The following MLLT3 variants were observed in gnomAD, a reference collection of about 807,000 sequenced individuals.
MLLT3 encodes MLLT3 super elongation complex subunit, also known as protein AF-9.
MLLT3 carries 4 observed loss-of-function variants against 53.2 expected under a neutral mutation model. The ratio of observed to expected loss-of-function variants is 0.08; its 90% CI spans 0.04 to 0.17. MLLT3 has a LOEUF of 0.17. Ranked by LOEUF, MLLT3 falls within the 10% of genes least tolerant of loss-of-function variation. MLLT3 has a pLI of 1.00. For missense variants in MLLT3, 569 were observed against 684.0 expected (o/e 0.83, Z 1.87); for synonymous variants, 283 against 230.6 (o/e 1.23, Z -2.06).
intron 2 of MLLT3, among the ~76,000 whole-genome samples, chr9:20,547,359 C>T (rs1818813903): frequency 6.6e-6 from 1 of 151,888 alleles, no homozygotes; most frequent in Non-Finnish European, 1.5e-5. Context: ...AAATTTGATA[C>T]ATGGCCAGGC....
chr9:20,377,129 C>A (rs1237274887), intron 5 of MLLT3, among the ~76,000 whole-genome samples: 1 of 152,018 alleles, frequency 6.6e-6, no homozygotes, highest in Non-Finnish European at 1.5e-5. Flanking sequence ...AGAAGAGAAA[C>A]AGGAAGGAAA....
chr9:20,612,351 T>C (rs1820723356), intron 2 of MLLT3, among the ~76,000 whole-genome samples: 1 of 152,156 alleles, frequency 6.6e-6, no homozygotes, highest in Non-Finnish European at 1.5e-5. Flanking sequence ...TTACTCTTAT[T>C]TGTATCTCCC....
intron 2 of MLLT3, among the ~76,000 whole-genome samples, chr9:20,611,961 G>A (rs1388113195): frequency 6.6e-6 from 1 of 152,056 alleles, no homozygotes; most frequent in Non-Finnish European, 1.5e-5. Flanking sequence ...AATCTCAAAG[G>A]AAAACTTTAA....
At chr9:20,567,913 C>T (rs942742261) in intron 2 of MLLT3, among the ~76,000 whole-genome samples, 2 of 152,106 alleles carry the variant, frequency 1.3e-5, no homozygotes, top group Admixed American at 1.3e-4. Flanking sequence ...TTACCCTCCA[C>T]CCCACTCACC....
intron 5 of MLLT3, among the ~76,000 whole-genome samples, chr9:20,407,842 T>C (rs980212947): frequency 3.9e-5 from 6 of 152,042 alleles, no homozygotes; most frequent in African/African-American, 1.2e-4. Flanking sequence ...CATAGAAGGG[T>C]GACTAACAGA....
chr9:20,519,936 T>G (rs554120127), intron 2 of MLLT3, among the ~76,000 whole-genome samples: 1 of 152,156 alleles, frequency 6.6e-6, no homozygotes, highest in Non-Finnish European at 1.5e-5. Context: ...AGCAACGACA[T>G]GGAATCAACC....
chr9:20,494,376 G>C (rs766942757), intron 2 of MLLT3, among the ~76,000 whole-genome samples: 1 of 151,990 alleles, frequency 6.6e-6, no homozygotes, highest in South Asian at 2.1e-4. Context: ...ATGCTGATTT[G>C]CTCTGTTTTG....
chr9:20,523,759 A>T (rs1818126402), intron 2 of MLLT3, among the ~76,000 whole-genome samples: 1 of 152,126 alleles, frequency 6.6e-6, no homozygotes, highest in Non-Finnish European at 1.5e-5. Context: ...GCTTGAGCTC[A>T]GGAGTTCAAG....
At chr9:20,369,663 G>A (rs767238513) in intron 5 of MLLT3, among the ~76,000 whole-genome samples, 1 of 152,062 alleles carries the variant, frequency 6.6e-6, no homozygotes, top group Non-Finnish European at 1.5e-5. Flanking sequence ...AGTTCACTGT[G>A]AGTTATGTAT....
intron 2 of MLLT3, among the ~76,000 whole-genome samples, chr9:20,539,780 T>C (rs1015229769): frequency 3.9e-5 from 6 of 152,168 alleles, no homozygotes; most frequent in African/African-American, 1.4e-4. Context: ...CAATCATTCC[T>C]TCATGACAGT....
At chr9:20,597,954 G>T (rs971310267) in intron 2 of MLLT3, among the ~76,000 whole-genome samples, 2 of 152,166 alleles carry the variant, frequency 1.3e-5, no homozygotes, top group East Asian at 1.9e-4. Flanking sequence ...TCCTGTTTCT[G>T]TCTCAGCAAC....
chr9:20,553,322 T>C (rs1013454601), intron 2 of MLLT3, among the ~76,000 whole-genome samples: 2 of 152,206 alleles, frequency 1.3e-5, no homozygotes, highest in Non-Finnish European at 2.9e-5. Flanking sequence ...AGAGCTTATA[T>C]GCATATCCAC....
intron 2 of MLLT3, among the ~76,000 whole-genome samples, chr9:20,505,407 A>T (rs767579147): frequency 2.0e-5 from 3 of 152,210 alleles, no homozygotes; most frequent in Non-Finnish European, 4.4e-5. Flanking sequence ...CCTCCAACAA[A>T]ATTGGAATGT....
At chr9:20,474,690 A>T (rs2118894574) in intron 2 of MLLT3, among the ~76,000 whole-genome samples, 1 of 152,208 alleles carries the variant, frequency 6.6e-6, no homozygotes, top group South Asian at 2.1e-4. Context: ...CGAGGGGAAA[A>T]AAAAGCAGAC....
At chr9:20,614,262 C>T (rs965302719) in intron 2 of MLLT3, among the ~76,000 whole-genome samples, 6 of 152,090 alleles carry the variant, frequency 3.9e-5, no homozygotes, top group African/African-American at 1.4e-4. Flanking sequence ...GGCGTGGTGG[C>T]GCATGCCTAT....
chr9:20,534,068 T>A (rs1818415041), intron 2 of MLLT3, among the ~76,000 whole-genome samples: 1 of 152,156 alleles, frequency 6.6e-6, no homozygotes, highest in African/African-American at 2.4e-5. Flanking sequence ...TCAATCCTAA[T>A]TTGTCAATTA....
intron 2 of MLLT3, among the ~76,000 whole-genome samples, chr9:20,525,552 T>C (rs1055803911): frequency 1.3e-5 from 2 of 152,194 alleles, no homozygotes; most frequent in African/African-American, 4.8e-5. Context: ...AGGTTTTAAA[T>C]GAAATCTAAA....
intron 2 of MLLT3, among the ~76,000 whole-genome samples, chr9:20,568,170 T>C (rs777964665): frequency 3.9e-5 from 6 of 152,094 alleles, no homozygotes; most frequent in Non-Finnish European, 8.8e-5. Flanking sequence ...ATTAAAAGAT[T>C]TGATGTCTAG....
At chr9:20,451,448 C>CA (rs1261788793) in intron 3 of MLLT3, among the ~76,000 whole-genome samples, 2 of 151,970 alleles carry the variant, frequency 1.3e-5, no homozygotes, top group African/African-American at 4.8e-5. Context: ...TAAAACAGAA[C>CA]AAAAAACATC....
Sources: gnomAD v4.1 joint callset for allele counts (sites outside exome capture counted in the v4.1 genomes callset) on GRCh38, gnomAD v4.1.1 for gene constraint, MANE v1.5 for transcripts, NCBI Gene and HGNC (gene_info 2026-07-23, HGNC 2026-07-21) for gene names.